VAV3: variants seen among roughly 807,000 people sequenced by gnomAD.
VAV3 encodes the protein vav guanine nucleotide exchange factor 3.
In VAV3, 94 loss-of-function variants were observed where a neutral mutation model predicts 131.2. That is an observed-to-expected ratio of 0.72 (90% confidence interval 0.61 to 0.85). The LOEUF (loss-of-function observed/expected upper bound fraction) is 0.85. VAV3 is among the 40% of genes least tolerant of loss of function. The pLI is 0.00. For synonymous variants in VAV3, 349 were observed against 342.0 expected (o/e 1.02, Z -0.22); for missense variants, 939 against 1,002.7 (o/e 0.94, Z 0.86).
At chr1:107,735,778 A>G (rs1392969971) in intron 15 of VAV3, among the ~76,000 whole-genome samples, 4 of 152,212 alleles carry the variant, frequency 2.6e-5, no homozygotes, top group Non-Finnish European at 5.9e-5. Context: ...TACCAGATAC[A>G]AAAAGGAGGT....
chr1:107,665,433 T>C (rs1657343223), intron 19 of VAV3, among the ~76,000 whole-genome samples: 2 of 152,182 alleles, frequency 1.3e-5, no homozygotes, highest in Admixed American at 6.5e-5. Context: ...CACTAGTAGG[T>C]AGACTACTCC....
chr1:107,585,756 A>T (rs1650432074), intron 25 of VAV3, among the ~76,000 whole-genome samples: 1 of 152,168 alleles, frequency 6.6e-6, no homozygotes, highest in Admixed American at 6.5e-5. Flanking sequence ...AACAACACAC[A>T]ATCAGAGAAG....
intron 1 of VAV3, among the ~76,000 whole-genome samples, chr1:107,887,172 C>G (rs1671075536): frequency 6.6e-6 from 1 of 152,226 alleles, no homozygotes; most frequent in Non-Finnish European, 1.5e-5. Context: ...CCCACCAATG[C>G]TCCGTCCAAC....
chr1:107,738,798 T>C (rs997589445), intron 15 of VAV3, among the ~76,000 whole-genome samples: 1 of 152,196 alleles, frequency 6.6e-6, no homozygotes, highest in Non-Finnish European at 1.5e-5. Context: ...TGTCATATAC[T>C]TGGAGGAAAC....
chr1:107,765,583 C>A (rs1370841121), intron 8 of VAV3, among the ~76,000 whole-genome samples: 1 of 152,204 alleles, frequency 6.6e-6, no homozygotes, highest in Non-Finnish European at 1.5e-5. Context: ...CCAATCACTA[C>A]ATATAACTCC....
intron 18 of VAV3, among the ~76,000 whole-genome samples, chr1:107,686,664 C>A (rs12140965): frequency 6.6e-6 from 1 of 151,894 alleles, no homozygotes; most frequent in Admixed American, 6.6e-5. Flanking sequence ...TACAGTCACA[C>A]AGTAAATAAA....
At chr1:107,915,274 G>A (rs1672553166) in intron 1 of VAV3, among the ~76,000 whole-genome samples, 1 of 152,126 alleles carries the variant, frequency 6.6e-6, no homozygotes, top group Admixed American at 6.5e-5. Context: ...GGTTTAATGA[G>A]ATGCAAAAGC....
chr1:107,679,431 C>T (rs57336706), intron 19 of VAV3, among the ~76,000 whole-genome samples: 2,227 of 152,132 alleles, frequency 0.015, 58 homozygotes, highest in African/African-American at 0.051. Flanking sequence ...AAACATTTCC[C>T]ATCTACTCCA....
At chr1:107,767,044 T>C (rs112008728) in intron 7 of VAV3, among the ~76,000 whole-genome samples, 4 of 152,352 alleles carry the variant, frequency 2.6e-5, no homozygotes, top group East Asian at 3.9e-4. Flanking sequence ...TAATGTTTTA[T>C]TGACAGGATA....
intron 15 of VAV3, among the ~76,000 whole-genome samples, chr1:107,719,869 C>A (rs1223035733): frequency 6.6e-6 from 1 of 152,172 alleles, no homozygotes; most frequent in Non-Finnish European, 1.5e-5. Context: ...CCATGGAATA[C>A]TATGCAGCCA....
chr1:107,722,779 T>A (rs564096280), intron 15 of VAV3, among the ~76,000 whole-genome samples: 3 of 150,872 alleles, frequency 2.0e-5, no homozygotes, highest in African/African-American at 7.3e-5. Flanking sequence ...TAAAGAGTGA[T>A]GAAACAAACT....
chr1:107,769,581 A>AC, intron 6 of VAV3, among the ~76,000 whole-genome samples: 3 of 152,212 alleles, frequency 2.0e-5, no homozygotes, highest in African/African-American at 7.2e-5. Context: ...CCATTGTGTG[A>AC]TGATAATGGC....
intron 19 of VAV3, among the ~76,000 whole-genome samples, chr1:107,643,305 T>G (rs1655494714): frequency 6.6e-6 from 1 of 152,186 alleles, no homozygotes; most frequent in Non-Finnish European, 1.5e-5. Context: ...GGCTCAAATT[T>G]AGGCTTGCAA....
intron 24 of VAV3, among the ~76,000 whole-genome samples, chr1:107,598,987 G>T (rs1651623155): frequency 6.6e-6 from 1 of 152,124 alleles, no homozygotes. Context: ...TAGGTAATAT[G>T]AATTTTATGA....
At chr1:107,694,571 A>G (rs966907646) in intron 17 of VAV3, among the ~76,000 whole-genome samples, 6 of 152,194 alleles carry the variant, frequency 3.9e-5, no homozygotes. Context: ...TTTCATTCAT[A>G]AAGTACCAGC....
intron 1 of VAV3, among the ~76,000 whole-genome samples, chr1:107,931,686 TAAAG>T (rs1338286102): frequency 6.6e-6 from 1 of 152,170 alleles, no homozygotes; most frequent in Non-Finnish European, 1.5e-5. Context: ...ACTTAACAAA[TAAAG>T]AAAATGAAGA....
intron 5 of VAV3, among the ~76,000 whole-genome samples, chr1:107,771,315 C>T (rs1345724627): frequency 1.3e-5 from 2 of 151,000 alleles, no homozygotes; most frequent in African/African-American, 4.9e-5. Flanking sequence ...AGCAGTGGCG[C>T]GATCTCGGCT....
At chr1:107,794,257 G>A (rs1374587881) in intron 2 of VAV3, among the ~76,000 whole-genome samples, 1 of 152,204 alleles carries the variant, frequency 6.6e-6, no homozygotes, top group Non-Finnish European at 1.5e-5. Flanking sequence ...TTCCACTGAG[G>A]AATTTGACAC....
chr1:107,938,107 G>A (rs1434508975), intron 1 of VAV3, among the ~76,000 whole-genome samples: 1 of 152,180 alleles, frequency 6.6e-6, no homozygotes, highest in Non-Finnish European at 1.5e-5. Context: ...GAGCCAGGGA[G>A]GATGGACTCA....
Sources: allele counts gnomAD v4.1 joint callset (sites outside exome capture counted in the v4.1 genomes callset), GRCh38; gene constraint gnomAD v4.1.1; transcripts MANE v1.5; gene names NCBI Gene and HGNC (gene_info 2026-07-23, HGNC 2026-07-21).